OCLN: variants seen among roughly 807,000 people sequenced by gnomAD.
The protein encoded by OCLN is occludin, also known as phosphatase 1, regulatory subunit 115.
OCLN carries 21 observed loss-of-function variants against 47.9 expected under a neutral mutation model. The ratio of observed to expected loss-of-function variants is 0.44; its 90% confidence interval spans 0.31 to 0.63. The LOEUF (loss-of-function observed/expected upper bound fraction) is 0.63. Ranked by LOEUF, OCLN falls within the 30% of genes least tolerant of loss-of-function variation. The pLI, the probability that OCLN is intolerant of heterozygous loss-of-function variation, is 0.08. For synonymous variants in OCLN, 117 were observed against 198.4 expected, an observed-to-expected ratio of 0.59 and a Z score of 3.45; for missense variants, 360 against 571.0, an observed-to-expected ratio of 0.63 and a Z score of 3.77.
chr5:69,514,515 G>T (rs1230128199), intron 4 of OCLN, among the ~76,000 whole-genome samples: 1 of 151,892 alleles, frequency 6.6e-6, no homozygotes, highest in Non-Finnish European at 1.5e-5. Context: ...ATAGCAGGTG[G>T]CAGGCCTTTT....
At position 69,545,031 on chromosome 5, in the gene OCLN, A is replaced by G; in HGVS notation, c.1165A>G (p.Arg389Gly). The change falls in exon 6 of 9, where the codon AGG becomes GGG. Residue 389 changes from arginine to glycine, a missense_variant. Arg to Gly is a moderately radical substitution (Grantham distance 125, BLOSUM62 -2). This residue lies in a region of OCLN where 21 missense variants were observed against 158.9 expected (regional missense o/e 0.13). Coordinates refer to ENST00000396442, the MANE Select transcript of OCLN (RefSeq NM_001205254.2). ...KRAPAKGRAG[R>G]SKRTEQDHYE... ...AGCACCTGCAAAGGGAAGAGCAGGA[A>G]GGTCAAAGAGAACAGAGCAAGATCA... is the stretch of plus-strand genomic sequence containing the variant. 6.2e-7 allele frequency: 1 copy of G among 1,613,176 alleles called. No individual in the cohort carries two copies. Among genetic ancestry groups the G allele is most frequent in the Non-Finnish European group, 8.5e-7 (1 of 1,179,662 alleles).
chr5:69,524,590 C>G (rs1423778005), intron 4 of OCLN, among the ~76,000 whole-genome samples: 1 of 152,112 alleles, frequency 6.6e-6, no homozygotes, highest in Non-Finnish European at 1.5e-5. Context: ...ATTGTCTGGT[C>G]CTCTATTTTA....
Position 69,504,304 on chromosome 5 carries a change from T to C in OCLN, c.50+10T>C. 6.6e-7 allele frequency: 1 copy of C among 1,524,044 alleles called. No individual in the cohort carries two copies. Among genetic ancestry groups the C allele is most frequent in the Non-Finnish European group, 9.1e-7 (1 of 1,098,866 alleles). The allele number at this position is 1,524,044 out of a possible 1,614,324, so 94.4% of individuals were successfully genotyped here. A position where few individuals can be genotyped will look rare whatever the true frequency, so the allele number is the denominator to read the frequency against. On this transcript the variant is annotated intron_variant, in intron 2 of 8. Transcript: ENST00000396442. ...ACAGGCCTGATGAATTGTAAGTAAA[T>C]AATTCTTTAGTTATTCTCTTTTAAA...
chr5:69,547,075 GT>G (rs1281494201), intron 6 of OCLN, among the ~76,000 whole-genome samples: 8 of 149,772 alleles, frequency 5.3e-5, no homozygotes, highest in Non-Finnish European at 1.2e-4. Flanking sequence ...GTGAGCACAT[GT>G]TTTTATACAT....
In OCLN at chr5:69,553,659, A is replaced by C; in HGVS notation, c.1557A>C (p.Arg519Ser). Residue 519 changes from arginine to serine, a missense_variant, in exon 9 of 9, where the codon AGA becomes AGC. By Grantham distance (110) the Arg-to-Ser change is moderately radical. Around this residue, in one of 3 missense-constraint regions of OCLN, gnomAD observed 25 missense variants for 43.9 expected, o/e 0.57. Transcript: ENST00000396442. The part of the protein sequence containing the change: ...HIKKMVGDYD[R>S]QKT ...AGAAGATGGTTGGAGACTATGATAG[A>C]CAGAAAACATAGAAGGCTGATGCCA... 6.2e-7 allele frequency: 1 copy of C among 1,613,882 alleles called. No homozygotes were observed. The highest frequency in any genetic ancestry group is 1.3e-5 in the African/African-American group (1 of 74,966).
At chr5:69,520,573 T>C (rs1390500505) in intron 4 of OCLN, among the ~76,000 whole-genome samples, 3 of 152,130 alleles carry the variant, frequency 2.0e-5, no homozygotes. Context: ...ATTACAGGCG[T>C]GAGCCACCAT....
chr5:69,512,573 T>C (rs1040719898), intron 3 of OCLN, among the ~76,000 whole-genome samples: 4 of 152,202 alleles, frequency 2.6e-5, no homozygotes, highest in African/African-American at 7.2e-5. Context: ...AGCATGTCAA[T>C]TTTGGAAAAA....
intron 1 of OCLN, among the ~76,000 whole-genome samples, chr5:69,502,971 A>G (rs1485265066): frequency 2.0e-5 from 3 of 152,240 alleles, no homozygotes; most frequent in African/African-American, 4.8e-5. Context: ...GGTTCAAGTT[A>G]CATCTGAGTG....
At chr5:69,533,044 TATACAC>T (rs1200074838) in intron 4 of OCLN, among the ~76,000 whole-genome samples, 1 of 145,894 alleles carries the variant, frequency 6.9e-6, no homozygotes, top group African/African-American at 2.7e-5. Flanking sequence ...CACATGTATA[TATACAC>T]ATATATACAT....
At chr5:69,520,427 A>G (rs1224078631) in intron 4 of OCLN, among the ~76,000 whole-genome samples, 1 of 151,336 alleles carries the variant, frequency 6.6e-6, no homozygotes, top group African/African-American at 2.4e-5. Flanking sequence ...CAGCCTCCCA[A>G]GTAGCTGGGA....
chr5:69,516,365 C>G (rs954913119), intron 4 of OCLN, among the ~76,000 whole-genome samples: 3 of 152,264 alleles, frequency 2.0e-5, no homozygotes, highest in Admixed American at 2.0e-4. Context: ...GGCGTGGTGG[C>G]GCGCGCCTGC....
At chr5:69,519,964 T>G (rs966741567) in intron 4 of OCLN, among the ~76,000 whole-genome samples, 1 of 152,206 alleles carries the variant, frequency 6.6e-6, no homozygotes, top group African/African-American at 2.4e-5. Context: ...TAATTTTTGT[T>G]TGTTTGTTTG....
At chr5:69,512,360 G>C (rs1361681522) in intron 3 of OCLN, among the ~76,000 whole-genome samples, 4 of 152,174 alleles carry the variant, frequency 2.6e-5, no homozygotes, top group Admixed American at 2.0e-4. Context: ...AAAATGAATT[G>C]ATCATAAATG....
chr5:69,511,589 A>AT (rs1768789210), intron 3 of OCLN, among the ~76,000 whole-genome samples: 1 of 151,868 alleles, frequency 6.6e-6, no homozygotes, highest in African/African-American at 2.4e-5. Context: ...TTTTTTAAAA[A>AT]ATTTTTTGTA....
chr5:69,520,239 G>A (rs1410317598), intron 4 of OCLN, among the ~76,000 whole-genome samples: 2 of 151,686 alleles, frequency 1.3e-5, no homozygotes, highest in South Asian at 2.1e-4. Flanking sequence ...GATTATAGGC[G>A]TCAGCCACCA....
intron 1 of OCLN, among the ~76,000 whole-genome samples, chr5:69,500,215 G>A (rs963280487): frequency 6.6e-6 from 1 of 152,098 alleles, no homozygotes; most frequent in African/African-American, 2.4e-5. Flanking sequence ...ATTGGGTGCC[G>A]TAATCCAGCC....
chr5:69,515,903 G>C (rs1438538785), intron 4 of OCLN, among the ~76,000 whole-genome samples: 1 of 151,480 alleles, frequency 6.6e-6, no homozygotes, highest in African/African-American at 2.4e-5. Context: ...ACGATGGGCG[G>C]CCGGGCAGAG....
intron 3 of OCLN, among the ~76,000 whole-genome samples, chr5:69,510,910 T>A (rs1456445474): frequency 6.6e-6 from 1 of 152,184 alleles, no homozygotes; most frequent in Non-Finnish European, 1.5e-5. Context: ...TCACCAACAC[T>A]TGTTATTGTC....
upstream of OCLN, chr5:69,492,578 C>G (rs1221329655): frequency 6.6e-6 from 1 of 152,434 alleles, no homozygotes; most frequent in Admixed American, 6.5e-5. Flanking sequence ...GTCCACCTCT[C>G]CCTCCCTGCT....
Sources: allele counts gnomAD v4.1 joint callset (sites outside exome capture counted in the v4.1 genomes callset), GRCh38; gene constraint gnomAD v4.1.1; regional missense constraint gnomAD v4.1.1; transcripts MANE v1.5; gene names NCBI Gene and HGNC (gene_info 2026-07-23, HGNC 2026-07-21).